Variants in MTAP observed in about 807,000 individuals in gnomAD.
MTAP encodes the protein methylthioadenosine phosphorylase.
In MTAP, 33 loss-of-function variants were observed where a neutral mutation model predicts 33.6. The ratio of observed to expected loss-of-function variants is 0.98; its 90% CI spans 0.74 to 1.31. The LOEUF (loss-of-function observed/expected upper bound fraction) is 1.31, where lower values mean the gene tolerates loss of function less well. Ranked by LOEUF, MTAP falls within the 40% of genes most tolerant of loss-of-function variation. The pLI, the probability that MTAP is intolerant of heterozygous loss-of-function variation, is 0.00. For synonymous variants in MTAP, 148 were observed against 125.7 expected (o/e 1.18, Z -1.19); for missense variants, 367 against 360.0 (o/e 1.02, Z -0.16).
downstream of MTAP, among the ~76,000 whole-genome samples, chr9:21,939,382 T>G (rs557219318): frequency 3.3e-5 from 5 of 152,248 alleles, no homozygotes; most frequent in Non-Finnish European, 7.3e-5. Flanking sequence ...ATTTTTCAGA[T>G]TTAACGTAAC....
chr9:21,865,954 G>A lies in MTAP; in HGVS notation c.*3940G>A. 3.9e-6 allele frequency: 1 copy of A among 256,780 alleles called. No individual in the cohort carries two copies. The highest frequency in any genetic ancestry group is 1.9e-3 in the Middle Eastern group (1 of 520). 15.9% of individuals were successfully genotyped at this position (256,780 alleles called of 1,614,324 possible). ...CCATTTGAGGAATTTTATGAATAAA[G>A]CTGCTATAAGCATGAAATTACAAGT... On this transcript the variant is annotated 3_prime_UTR_variant, in exon 8 of 8. Transcript: ENST00000644715.
chr9:21,866,535 G>A lies in MTAP; in HGVS notation c.*4521G>A, dbSNP rs1310800091. ...CTTGCCTACTCATTTAATTACCTGTGTGCCCTTGTCAAAATTTACTGTTTA... is the reference window on the plus strand; with the variant it reads ...CTTGCCTACTCATTTAATTACCTGTATGCCCTTGTCAAAATTTACTGTTTA... On this transcript the variant is annotated 3_prime_UTR_variant, in exon 8 of 8. Transcript: ENST00000644715. 8 of 151,800 alleles carry A rather than the reference G, an allele frequency of 5.3e-5. No individual in the cohort carries two copies. The highest frequency in any genetic ancestry group is 1.9e-4 in the East Asian group (1 of 5,170). 9.4% of individuals were successfully genotyped at this position (151,800 alleles called of 1,614,324 possible). A position where few individuals can be genotyped will look rare whatever the true frequency, so the allele number is the denominator to read the frequency against.
At chr9:21,900,564 G>A (rs1436282173) in intron 1 of MTAP, among the ~76,000 whole-genome samples, 1 of 152,230 alleles carries the variant, frequency 6.6e-6, no homozygotes, top group Non-Finnish European at 1.5e-5. Context: ...TACACTGCTG[G>A]TGGGAATGTA....
chr9:21,802,985 AACACACACACACACACACACAC>A (rs753392319), intron 1 of MTAP: 327 of 445,078 alleles, frequency 7.3e-4, no homozygotes, highest in South Asian at 7.2e-3. Context: ...CCGCACCGCC[AACACACACACACACACACACAC>A]ACACACACAC....
chr9:21,886,624 G>A (rs766832280), intron 1 of MTAP, among the ~76,000 whole-genome samples: 2 of 152,150 alleles, frequency 1.3e-5, no homozygotes, highest in Admixed American at 1.3e-4. Flanking sequence ...CATAAAGTGA[G>A]AGGTGAGGAT....
intron 1 of MTAP, among the ~76,000 whole-genome samples, chr9:21,895,043 A>G (rs1190850039): frequency 1.3e-5 from 2 of 152,192 alleles, no homozygotes; most frequent in East Asian, 1.9e-4. Flanking sequence ...AAACGAGTGG[A>G]AAAACATTCC....
chr9:21,830,194 C>T (rs564414084), intron 4 of MTAP, among the ~76,000 whole-genome samples: 1 of 152,192 alleles, frequency 6.6e-6, no homozygotes, highest in African/African-American at 2.4e-5. Flanking sequence ...AACTTAAATT[C>T]CAAAAGAATG....
At chr9:21,828,210 C>G (rs1824871996) in intron 4 of MTAP, among the ~76,000 whole-genome samples, 1 of 152,210 alleles carries the variant, frequency 6.6e-6, no homozygotes, top group South Asian at 2.1e-4. Context: ...AACCTGCCCT[C>G]TTAATGTTTC....
intron 1 of MTAP, among the ~76,000 whole-genome samples, chr9:21,917,088 AC>A (rs1818704789): frequency 6.6e-6 from 1 of 152,224 alleles, no homozygotes; most frequent in Non-Finnish European, 1.5e-5. Context: ...ATAATCCAAG[AC>A]TTTTAATCTA....
At chr9:21,890,437 T>G (rs1246113179) in intron 1 of MTAP, among the ~76,000 whole-genome samples, 2 of 152,222 alleles carry the variant, frequency 1.3e-5, no homozygotes, top group Non-Finnish European at 2.9e-5. Flanking sequence ...TCTGCACTTC[T>G]CATTGATCTC....
chr9:21,897,926 C>G (rs1218388358), intron 1 of MTAP, among the ~76,000 whole-genome samples: 1 of 152,202 alleles, frequency 6.6e-6, no homozygotes, highest in Non-Finnish European at 1.5e-5. Flanking sequence ...ATTGCCAAGT[C>G]AATCCTAAGC....
At chr9:21,838,033 G>T in intron 5 of MTAP, 23 bp downstream of exon 5, 1 of 1,589,984 alleles carries the variant, frequency 6.3e-7, no homozygotes, top group Non-Finnish European at 8.6e-7. Flanking sequence ...TCTGGAAGGT[G>T]TACCAGAATA....
At chr9:21,881,146 C>A (rs573093724) in intron 1 of MTAP, among the ~76,000 whole-genome samples, 1 of 152,142 alleles carries the variant, frequency 6.6e-6, no homozygotes, top group Admixed American at 6.6e-5. Flanking sequence ...GTGCCAAAAT[C>A]ACTCAACAGG....
intron 1 of MTAP, among the ~76,000 whole-genome samples, chr9:21,897,130 T>C (rs1818309013): frequency 6.6e-6 from 1 of 152,002 alleles, no homozygotes. Context: ...AGACAAAAAC[T>C]ACATGATTAT....
At chr9:21,811,542 T>C in intron 1 of MTAP, 2 of 324,580 alleles carry the variant, frequency 6.2e-6, no homozygotes, top group Non-Finnish European at 1.2e-5. Context: ...CACTAAGACA[T>C]GGCTGTCATA....
intron 1 of MTAP, among the ~76,000 whole-genome samples, chr9:21,904,627 TATATC>T (rs1455224262): frequency 1.3e-5 from 2 of 152,066 alleles, no homozygotes; most frequent in African/African-American, 4.8e-5. Flanking sequence ...AAAAGAAAAA[TATATC>T]AGCCAGTATG....
downstream of MTAP, among the ~76,000 whole-genome samples, chr9:21,871,400 C>A (rs1825935014): frequency 6.6e-6 from 1 of 152,114 alleles, no homozygotes; most frequent in African/African-American, 2.4e-5. Context: ...CCACCATCAT[C>A]TCTTTTTATC....
At chr9:21,899,693 C>A (rs2118793149) in intron 1 of MTAP, among the ~76,000 whole-genome samples, 1 of 152,258 alleles carries the variant, frequency 6.6e-6, no homozygotes, top group Non-Finnish European at 1.5e-5. Flanking sequence ...ATGAGAACAA[C>A]ATGGGGAAAC....
intron 1 of MTAP, among the ~76,000 whole-genome samples, chr9:21,912,690 A>T (rs965505810): frequency 6.6e-6 from 1 of 152,206 alleles, no homozygotes; most frequent in Non-Finnish European, 1.5e-5. Flanking sequence ...TGAATGGGCA[A>T]AAACTGGAAG....
Sources: allele counts gnomAD v4.1 joint callset (sites outside exome capture counted in the v4.1 genomes callset), GRCh38; gene constraint gnomAD v4.1.1; transcripts MANE v1.5; gene names NCBI Gene and HGNC (gene_info 2026-07-23, HGNC 2026-07-21).